Variants in THSD7B observed in about 807,000 individuals in gnomAD.
THSD7B encodes thrombospondin type 1 domain containing 7B.
In THSD7B, 138 loss-of-function variants were observed where a neutral mutation model predicts 213.6. The ratio of observed to expected loss-of-function variants is 0.65; its 90% CI spans 0.56 to 0.74. The LOEUF (loss-of-function observed/expected upper bound fraction) is 0.74, where lower values mean the gene tolerates loss of function less well. Ranked by LOEUF, THSD7B falls within the 30% of genes least tolerant of loss-of-function variation. THSD7B has a pLI of 0.00. For missense variants in THSD7B, 1,931 were observed against 1,991.5 expected (o/e 0.97, Z 0.58); for synonymous variants, 742 against 687.0 (o/e 1.08, Z -1.25).
intron 10 of THSD7B, among the ~76,000 whole-genome samples, chr2:137,258,835 T>TC (rs1016652653): frequency 8.6e-5 from 13 of 151,294 alleles, no homozygotes; most frequent in African/African-American, 2.2e-4. Flanking sequence ...CCCTCCCATG[T>TC]CCCCCCCAAC....
At chr2:137,139,677 T>A (rs1350919810) in intron 5 of THSD7B, among the ~76,000 whole-genome samples, 1 of 152,164 alleles carries the variant, frequency 6.6e-6, no homozygotes, top group African/African-American at 2.4e-5. Flanking sequence ...GAGTTAGCGA[T>A]TCCTCCAGAC....
intron 2 of THSD7B, among the ~76,000 whole-genome samples, chr2:136,930,556 A>G (rs1374013993): frequency 6.6e-6 from 1 of 152,212 alleles, no homozygotes; most frequent in Non-Finnish European, 1.5e-5. Context: ...AGTGCTGGGA[A>G]GATGAATCTG....
At chr2:137,122,693 T>G (rs1160627561) in intron 5 of THSD7B, among the ~76,000 whole-genome samples, 1 of 152,132 alleles carries the variant, frequency 6.6e-6, no homozygotes, top group African/African-American at 2.4e-5. Flanking sequence ...GCTCCAACAA[T>G]GCTGAACATC....
At chr2:137,131,078 A>G (rs12991738) in intron 5 of THSD7B, among the ~76,000 whole-genome samples, 74,777 of 109,998 alleles carry the variant, frequency 0.68, 26,108 homozygotes, top group Non-Finnish European at 0.74. Flanking sequence ...ATTCTAACTG[A>G]TGTGAGATGG....
At chr2:136,858,860 G>A (rs113600463) in intron 1 of THSD7B, among the ~76,000 whole-genome samples, 4,061 of 152,220 alleles carry the variant, frequency 0.027, 86 homozygotes, top group Non-Finnish European at 0.041. Flanking sequence ...AGGCGGATGC[G>A]ACAGATGTTC....
chr2:137,364,384 G>A (rs1297891423), intron 12 of THSD7B, among the ~76,000 whole-genome samples: 1 of 152,220 alleles, frequency 6.6e-6, no homozygotes, highest in Non-Finnish European at 1.5e-5. Context: ...AGTGTTGGAA[G>A]TTCTGGCCAG....
chr2:137,159,494 T>C (rs1034544044), intron 5 of THSD7B, among the ~76,000 whole-genome samples: 2 of 151,760 alleles, frequency 1.3e-5, no homozygotes, highest in Non-Finnish European at 2.9e-5. Flanking sequence ...AAAAAAAGCA[T>C]CTGCATACAG....
At chr2:136,882,451 T>C in intron 2 of THSD7B, 134 bp downstream of exon 2, 1 of 1,009,142 alleles carries the variant, frequency 9.9e-7, no homozygotes, top group Non-Finnish European at 1.3e-6. Context: ...TTTTAAATTC[T>C]GCAGCTCATA....
At chr2:137,412,372 A>G (rs1041182242) in intron 14 of THSD7B, among the ~76,000 whole-genome samples, 6 of 152,016 alleles carry the variant, frequency 3.9e-5, no homozygotes, top group African/African-American at 4.8e-5. Context: ...AGGCCGAGGC[A>G]GGCGGATCAC....
intron 2 of THSD7B, among the ~76,000 whole-genome samples, chr2:136,969,320 C>G (rs1002873978): frequency 1.3e-5 from 2 of 152,132 alleles, no homozygotes; most frequent in African/African-American, 4.8e-5. Flanking sequence ...TGTTTCTCAG[C>G]ACATGGCTAT....
intron 12 of THSD7B, among the ~76,000 whole-genome samples, chr2:137,349,333 T>C (rs567745242): frequency 1.3e-5 from 2 of 151,916 alleles, no homozygotes; most frequent in South Asian, 4.1e-4. Flanking sequence ...TGAAAAGGAA[T>C]ATTATCAATT....
At chr2:137,167,561 C>T (rs1680162066) in intron 6 of THSD7B, among the ~76,000 whole-genome samples, 1 of 152,130 alleles carries the variant, frequency 6.6e-6, no homozygotes, top group Non-Finnish European at 1.5e-5. Context: ...CCCTCCGGAG[C>T]CTCTTTTAAT....
intron 14 of THSD7B, among the ~76,000 whole-genome samples, chr2:137,435,384 T>C (rs1687270878): frequency 6.6e-6 from 1 of 152,178 alleles, no homozygotes; most frequent in Non-Finnish European, 1.5e-5. Flanking sequence ...GAGTTTCATA[T>C]TGGAAGCAAT....
At chr2:137,249,976 C>T (rs1682134206) in intron 10 of THSD7B, among the ~76,000 whole-genome samples, 1 of 152,188 alleles carries the variant, frequency 6.6e-6, no homozygotes, top group South Asian at 2.1e-4. Context: ...TCCTGCTTCA[C>T]AGATGAGGCA....
At chr2:137,352,123 A>G (rs1348360791) in intron 12 of THSD7B, among the ~76,000 whole-genome samples, 2 of 151,772 alleles carry the variant, frequency 1.3e-5, no homozygotes, top group Non-Finnish European at 2.9e-5. Context: ...CTCTTTACCT[A>G]AAAATAAAAA....
chr2:137,584,444 C>A (rs1193407092), intron 17 of THSD7B, among the ~76,000 whole-genome samples: 2 of 152,124 alleles, frequency 1.3e-5, no homozygotes, highest in Admixed American at 1.3e-4. Context: ...CCAAGTTTTG[C>A]CCATTCAGTA....
chr2:137,068,401 T>C (rs1687419150), intron 3 of THSD7B, among the ~76,000 whole-genome samples: 1 of 152,092 alleles, frequency 6.6e-6, no homozygotes, highest in African/African-American at 2.4e-5. Context: ...TTTAGAAAAA[T>C]AATCATGTTA....
chr2:137,406,440 G>A (rs140952982), intron 13 of THSD7B, among the ~76,000 whole-genome samples: 27 of 152,226 alleles, frequency 1.8e-4, no homozygotes, highest in Non-Finnish European at 2.9e-4. Flanking sequence ...ATTTTACTAC[G>A]TGCCTAGATA....
intron 1 of THSD7B, among the ~76,000 whole-genome samples, chr2:136,881,224 A>T (rs974727627): frequency 6.6e-6 from 1 of 151,838 alleles, no homozygotes; most frequent in African/African-American, 2.4e-5. Context: ...TTTCCATCCC[A>T]CTTTCTTAAT....
Sources: gnomAD v4.1 joint callset for allele counts (sites outside exome capture counted in the v4.1 genomes callset) on GRCh38, gnomAD v4.1.1 for gene constraint, MANE v1.5 for transcripts, NCBI Gene and HGNC (gene_info 2026-07-23, HGNC 2026-07-21) for gene names.